NFIB: variants seen among roughly 807,000 people sequenced by gnomAD.
NFIB encodes the protein nuclear factor 1 B-type.
In NFIB, 11 loss-of-function variants were observed where a neutral mutation model predicts 61.5. The ratio of observed to expected loss-of-function variants is 0.18; its 90% confidence interval spans 0.11 to 0.30. The LOEUF (loss-of-function observed/expected upper bound fraction) is 0.30, where lower values mean the gene tolerates loss of function less well. Among genes scored for constraint, NFIB ranks in the 10% least tolerant of loss-of-function variants. The pLI, the probability that NFIB is intolerant of heterozygous loss-of-function variation, is 1.00. For synonymous variants in NFIB, 260 were observed against 216.5 expected (o/e 1.20, Z -1.76); for missense variants, 471 against 608.9 (o/e 0.77, Z 2.38).
At chr9:14,275,673 A>C (rs2057949649) in intron 2 of NFIB, among the ~76,000 whole-genome samples, 1 of 152,162 alleles carries the variant, frequency 6.6e-6, no homozygotes, top group Non-Finnish European at 1.5e-5. Flanking sequence ...ATGCTATCCT[A>C]TATGGCATAC....
chr9:14,161,511 AT>A (rs1454372218), intron 3 of NFIB, among the ~76,000 whole-genome samples: 3 of 151,416 alleles, frequency 2.0e-5, no homozygotes, highest in Non-Finnish European at 4.4e-5. Context: ...GCATATATAT[AT>A]ATATTTATTT....
rs2131635637 is a variant in NFIB, at chr9:14,202,174, C to G, written c.563-22394G>C. 1.4e-5 allele frequency among the ~76,000 whole-genome samples: 2 copies of G among 147,662 alleles called. 1 individual carries two copies. The highest frequency in any genetic ancestry group is 6.8e-3 in the Middle Eastern group (2 of 292). Reference sequence around the variant, plus strand: ...CACACACACACACACAAAGATTTAGCAGTGGGACAAACTTTTTCATTTAAT... The same window carrying G: ...CACACACACACACACAAAGATTTAGGAGTGGGACAAACTTTTTCATTTAAT... On this transcript the variant is annotated intron_variant, in intron 2 of 10. Coordinates refer to ENST00000380953, the MANE Select transcript of NFIB (RefSeq NM_001190737.2).
chr9:14,490,115 T>C, the NFIB span, among the ~76,000 whole-genome samples: 1 of 152,196 alleles, frequency 6.6e-6, no homozygotes, highest in Non-Finnish European at 1.5e-5. Context: ...ATTATACTAA[T>C]TTACTCTTCT....
At chr9:14,284,298 TAAG>T (rs1424953858) in intron 2 of NFIB, among the ~76,000 whole-genome samples, 5 of 152,198 alleles carry the variant, frequency 3.3e-5, no homozygotes, top group Admixed American at 2.0e-4. Flanking sequence ...ACAGTAATAA[TAAG>T]GAGGATTGCT....
chr9:14,354,505 A>G (rs980751886), intron 1 of NFIB, among the ~76,000 whole-genome samples: 2 of 152,182 alleles, frequency 1.3e-5, no homozygotes, highest in Non-Finnish European at 2.9e-5. Flanking sequence ...TCTGGCTAAC[A>G]TTTTTCTACA....
intron 1 of NFIB, among the ~76,000 whole-genome samples, chr9:14,311,963 T>C (rs2060300927): frequency 6.6e-6 from 1 of 152,218 alleles, no homozygotes; most frequent in Non-Finnish European, 1.5e-5. Flanking sequence ...GGCAATTCGT[T>C]ATACCTGAAA....
intron 2 of NFIB, among the ~76,000 whole-genome samples, chr9:14,265,916 A>C (rs531837923): frequency 7.6e-4 from 116 of 152,354 alleles, no homozygotes; most frequent in African/African-American, 2.3e-3. Context: ...AGCCAGCTTC[A>C]ACAAGGGGAG....
At chr9:14,526,661 A>G in the NFIB span, among the ~76,000 whole-genome samples, 2 of 152,214 alleles carry the variant, frequency 1.3e-5, no homozygotes, top group African/African-American at 4.8e-5. Context: ...ATCACAGCAT[A>G]GAAAATAACA....
At chr9:14,285,277 C>T (rs2058635435) in intron 2 of NFIB, among the ~76,000 whole-genome samples, 1 of 152,138 alleles carries the variant, frequency 6.6e-6, no homozygotes, top group African/African-American at 2.4e-5. Flanking sequence ...TGCACACCAC[C>T]ACACCTGGCT....
intron 1 of NFIB, among the ~76,000 whole-genome samples, chr9:14,389,157 A>G (rs1268044666): frequency 6.6e-6 from 1 of 152,206 alleles, no homozygotes; most frequent in Non-Finnish European, 1.5e-5. Flanking sequence ...CTTCATGTGA[A>G]CACAATTGTG....
intron 2 of NFIB, among the ~76,000 whole-genome samples, chr9:14,233,300 A>C (rs1262276896): frequency 6.6e-6 from 1 of 152,194 alleles, no homozygotes; most frequent in Non-Finnish European, 1.5e-5. Flanking sequence ...TGAAATTTTC[A>C]GATGTGAAGG....
chr9:14,385,765 A>G (rs535680220), intron 1 of NFIB, among the ~76,000 whole-genome samples: 7 of 150,686 alleles, frequency 4.6e-5, no homozygotes, highest in African/African-American at 1.7e-4. Flanking sequence ...CTAATATGGG[A>G]TCAGAGACAC....
intron 1 of NFIB, among the ~76,000 whole-genome samples, chr9:14,393,695 C>T (rs995921179): frequency 1.1e-4 from 17 of 152,180 alleles, no homozygotes; most frequent in Non-Finnish European, 2.4e-4. Context: ...ATTTATCTCA[C>T]TTAGCAGAGC....
intron 2 of NFIB, among the ~76,000 whole-genome samples, chr9:14,300,646 TTA>T (rs1413474614): frequency 1.3e-5 from 2 of 152,222 alleles, no homozygotes; most frequent in Non-Finnish European, 2.9e-5. Flanking sequence ...ACTTCTTTGA[TTA>T]TAAGTCCATT....
chr9:14,349,344 T>G (rs1028659133), intron 1 of NFIB, among the ~76,000 whole-genome samples: 1 of 152,100 alleles, frequency 6.6e-6, no homozygotes, highest in Non-Finnish European at 1.5e-5. Flanking sequence ...ACAACCTTCT[T>G]TAGGGCAAAC....
the NFIB span, among the ~76,000 whole-genome samples, chr9:14,430,762 C>T: frequency 4.6e-5 from 7 of 151,828 alleles, no homozygotes; most frequent in Admixed American, 6.6e-5. Context: ...TTTTATTTTT[C>T]GTAGAGAGGG....
chr9:14,250,908 C>G (rs2055533435), intron 2 of NFIB, among the ~76,000 whole-genome samples: 1 of 152,136 alleles, frequency 6.6e-6, no homozygotes, highest in Admixed American at 6.5e-5. Context: ...TTCTAGAATA[C>G]TCTGAGTTAA....
chr9:14,294,571 A>G (rs1178195602), intron 2 of NFIB, among the ~76,000 whole-genome samples: 4 of 152,196 alleles, frequency 2.6e-5, no homozygotes, highest in Non-Finnish European at 5.9e-5. Flanking sequence ...AACTGCTACT[A>G]AACACCAGTG....
At chr9:14,442,472 C>T in the NFIB span, among the ~76,000 whole-genome samples, 1 of 152,308 alleles carries the variant, frequency 6.6e-6, no homozygotes, top group Non-Finnish European at 1.5e-5. Flanking sequence ...CAAAGCACTA[C>T]CACTGGGTGG....
Sources: gnomAD v4.1 joint callset for allele counts (sites outside exome capture counted in the v4.1 genomes callset) on GRCh38, gnomAD v4.1.1 for gene constraint, MANE v1.5 for transcripts, NCBI Gene and HGNC (gene_info 2026-07-23, HGNC 2026-07-21) for gene names.